SEC16B: variants seen among roughly 807,000 people sequenced by gnomAD.
SEC16B encodes the protein protein transport protein Sec16B.
A neutral mutation model predicts 141.8 loss-of-function variants in SEC16B; 115 were observed. The observed-to-expected ratio is 0.81, with a 90% confidence interval of 0.70 to 0.95. SEC16B has a LOEUF of 0.95. Ranked by LOEUF, SEC16B falls within the 40% of genes least tolerant of loss-of-function variation. The probability of loss-of-function intolerance (pLI) is 0.00; values close to 1 mark genes in which losing one functional copy is unlikely to be tolerated. For synonymous variants in SEC16B, 493 were observed against 492.5 expected (o/e 1.00, Z -0.01); for missense variants, 1,291 against 1,312.3 (o/e 0.98, Z 0.25).
rs1042373045 is a variant in SEC16B at position 177,947,693 on chromosome 1, G to C, written c.1663+132C>G. 5.7e-4 allele frequency: 258 copies of C among 451,276 alleles called. 1 individual carries two copies. The East Asian group carries it at 9.0e-3, about 16-fold the overall frequency. The allele number at this position is 451,276 out of a possible 1,614,324, so 28.0% of individuals were successfully genotyped here. A position where few individuals can be genotyped will look rare whatever the true frequency, so the allele number is the denominator to read the frequency against. On this transcript the variant is annotated intron_variant, in intron 13 of 25. Coordinates refer to ENST00000308284, the MANE Select transcript of SEC16B (RefSeq NM_033127.4). ...CAGGATGTTTAAAGCTGACCTGGACGGGGAGGGGAGGTGAGGAGAGGGAGG... is the reference window on the plus strand; with the variant it reads ...CAGGATGTTTAAAGCTGACCTGGACCGGGAGGGGAGGTGAGGAGAGGGAGG...
upstream of SEC16B, among the ~76,000 whole-genome samples, chr1:177,970,760 C>T (rs145938291): frequency 2.2e-3 from 341 of 152,238 alleles, 5 homozygotes; most frequent in African/African-American, 7.5e-3. Context: ...TTAAGGTAAA[C>T]GCAGAAAAGC....
At position 177,947,852 on chromosome 1, in the gene SEC16B, C is replaced by A; in HGVS notation, c.1636G>T (p.Ala546Ser). The change falls in exon 13 of 26, where the codon GCG (alanine) becomes TCG (serine). Residue 546 changes from alanine to serine, a missense_variant. By Grantham distance (99) the Ala-to-Ser change is moderately conservative. Around this residue, in one of 3 missense-constraint regions of SEC16B, gnomAD observed 681 missense variants for 675.5 expected, o/e 1.01. Transcript: ENST00000308284. ...AGGGTGTCCCCAATGGCAACAATCGCACGCTGATACAGCTCTGGGTCCCCA... is the reference window on the plus strand; with the variant it reads ...AGGGTGTCCCCAATGGCAACAATCGAACGCTGATACAGCTCTGGGTCCCCA... ...QAGDPELYQR[A>S]IVAIGDTLAG... 6.4e-7 allele frequency: 1 copy of A among 1,557,306 alleles called. No homozygotes were observed. The highest frequency in any genetic ancestry group is 1.8e-4 in the Middle Eastern group (1 of 5,428).
intron 20 of SEC16B, among the ~76,000 whole-genome samples, chr1:177,935,990 A>G (rs1650807750): frequency 6.6e-6 from 1 of 152,248 alleles, no homozygotes; most frequent in African/African-American, 2.4e-5. Context: ...AGGACAGGGT[A>G]GGGCAAGCGT....
intron 1 of SEC16B, among the ~76,000 whole-genome samples, chr1:177,977,320 C>T (rs1654206474): frequency 6.6e-6 from 1 of 152,198 alleles, no homozygotes; most frequent in African/African-American, 2.4e-5. Context: ...GTCTCCATCC[C>T]TGCAGGCGAA....
At chr1:177,933,892 A>G (rs1293648063) in intron 20 of SEC16B, among the ~76,000 whole-genome samples, 3 of 151,992 alleles carry the variant, frequency 2.0e-5, no homozygotes, top group Non-Finnish European at 4.4e-5. Flanking sequence ...AGAAACAGAC[A>G]GTTTTCAGAA....
intron 24 of SEC16B, 151 bp downstream of exon 24, chr1:177,932,339 G>A: frequency 1.8e-6 from 1 of 559,094 alleles, no homozygotes; most frequent in Non-Finnish European, 3.0e-6. Flanking sequence ...TCTGTTCTGT[G>A]GTACTTTGTT....
In SEC16B at chr1:177,958,243, C is replaced by T; in HGVS notation, c.1254G>A (p.Val418=). The T allele has an allele frequency of 6.2e-7, 1 of 1,608,590 alleles. No individual in the cohort carries two copies. Among genetic ancestry groups the T allele is most frequent in the South Asian group, 1.1e-5 (1 of 89,162 alleles). Reference sequence around the variant, plus strand: ...GCAGGTTCGGGGTCCCAGAGCTCAGCACTGGCCAGTCCTCATCGGTCAGGT... The same window carrying T: ...GCAGGTTCGGGGTCCCAGAGCTCAGTACTGGCCAGTCCTCATCGGTCAGGT... ...LINLTDEDWP[V]LSSGTPNLLT... is the part of the protein sequence containing the mutation. The change falls in exon 10 of 26, where the codon GTG becomes GTA. Residue 418 remains valine (V), a synonymous_variant. Transcript: ENST00000308284.
chr1:177,974,057 G>A (rs1340605010), upstream of SEC16B, among the ~76,000 whole-genome samples: 1 of 151,992 alleles, frequency 6.6e-6, no homozygotes, highest in Non-Finnish European at 1.5e-5. Flanking sequence ...GTTGACTGTA[G>A]AAGATGAGGG....
upstream of SEC16B, chr1:177,973,112 G>T (rs1484545966): frequency 6.6e-6 from 1 of 152,220 alleles, no homozygotes; most frequent in Non-Finnish European, 1.5e-5. Flanking sequence ...TTTGACACCT[G>T]TCTAGCAAAA....
upstream of SEC16B, among the ~76,000 whole-genome samples, chr1:177,975,037 T>G (rs932752119): frequency 1.3e-5 from 2 of 152,176 alleles, no homozygotes; most frequent in African/African-American, 4.8e-5. Flanking sequence ...TGGAGTAGAA[T>G]GCCAAGTTCT....
In SEC16B at chr1:177,941,946, C is replaced by A; in HGVS notation, c.1976G>T (p.Ser659Ile). The change falls in exon 16 of 26, where the codon AGC becomes ATC. Residue 659 changes from serine (S) to isoleucine (I), a missense_variant. Transcript: ENST00000308284. ...YCEAIGAAVL[S>I]QGESSHPVLL... The stretch of plus-strand genomic sequence containing the variant: ...CACAGGGTGACTGCTCTCTCCCTGG[C>A]TCAAGACAGCTGCACCAATGGCTTC... 6.2e-7 allele frequency: 1 copy of A among 1,614,058 alleles called. No individual in the cohort carries two copies. The highest frequency in any genetic ancestry group is 8.5e-7 in the Non-Finnish European group (1 of 1,179,900).
At chr1:177,939,015 G>A (rs751264949) in intron 18 of SEC16B, among the ~76,000 whole-genome samples, 1 of 152,200 alleles carries the variant, frequency 6.6e-6, no homozygotes, top group African/African-American at 2.4e-5. Flanking sequence ...ACCCAGCCGG[G>A]CTCTCCTCCA....
At chr1:177,954,191 G>A (rs963981886) in intron 11 of SEC16B, 88 bp downstream of exon 11, 53 of 912,102 alleles carry the variant, frequency 5.8e-5, no homozygotes, top group South Asian at 5.9e-5. Flanking sequence ...TCCTTAGCGC[G>A]TCTGACATTT....
intron 22 of SEC16B, 44 bp from the exon 23 acceptor site, chr1:177,932,850 T>C (rs1388431596): frequency 6.5e-6 from 10 of 1,548,922 alleles, no homozygotes; most frequent in Middle Eastern, 1.7e-4. Context: ...ACATTGGCAG[T>C]TAACAAATTG....
chr1:177,952,083 A>G (rs1340485407), intron 11 of SEC16B, 88 bp from the exon 12 acceptor site: 2 of 1,174,874 alleles, frequency 1.7e-6, no homozygotes, highest in Non-Finnish European at 2.5e-6. Flanking sequence ...GCATAATTCT[A>G]TTAGATTTTG....
chr1:177,953,390 A>G (rs1051350079), intron 11 of SEC16B, among the ~76,000 whole-genome samples: 1 of 152,232 alleles, frequency 6.6e-6, no homozygotes, highest in Non-Finnish European at 1.5e-5. Context: ...ATAGCTTCAC[A>G]GCTTTAACCA....
At chr1:177,943,805 T>C (rs947699230) in intron 15 of SEC16B, among the ~76,000 whole-genome samples, 1 of 152,206 alleles carries the variant, frequency 6.6e-6, no homozygotes, top group Non-Finnish European at 1.5e-5. Flanking sequence ...CTCGATTTCA[T>C]GCCAGCTCCA....
At position 177,951,928 on chromosome 1, in the gene SEC16B, G is replaced by C. The variant is rs1329457783; in HGVS notation, c.1531C>G (p.Pro511Ala). 4 of 1,605,114 alleles carry C rather than the reference G, an allele frequency of 2.5e-6. No homozygotes were observed. Among genetic ancestry groups the C allele is most frequent in the Non-Finnish European group, 3.4e-6 (4 of 1,176,308 alleles). Residue 511 changes from proline to alanine, a missense_variant, in exon 12 of 26, where the codon CCA (proline) becomes GCA (alanine). Transcript: ENST00000308284. ...CATAGGGGTACCGTGGCTGCCTGTG[G>C]AATCCTCCCCGACATGAGCTGGAAG... is the stretch of plus-strand genomic sequence containing the variant. ...TLFQLMSGRI[P>A]QAATCCGEKQ...
intron 24 of SEC16B, among the ~76,000 whole-genome samples, chr1:177,932,180 T>G (rs1274661997): frequency 6.6e-6 from 1 of 152,060 alleles, no homozygotes; most frequent in Non-Finnish European, 1.5e-5. Context: ...ACAGACACGC[T>G]CAGAGGAAAG....
Sources: gnomAD v4.1 joint callset for allele counts (sites outside exome capture counted in the v4.1 genomes callset) on GRCh38, gnomAD v4.1.1 for gene constraint, gnomAD v4.1.1 regional missense constraint, MANE v1.5 for transcripts, NCBI Gene and HGNC (gene_info 2026-07-23, HGNC 2026-07-21) for gene names.